Variants in DEPDC7 observed in about 807,000 individuals in gnomAD.
The protein encoded by DEPDC7 is DEP domain containing 7.
In DEPDC7, 41 loss-of-function variants were observed where a neutral mutation model predicts 56.6. The ratio of observed to expected loss-of-function variants is 0.72; its 90% CI spans 0.56 to 0.94. DEPDC7 has a LOEUF of 0.94. Ranked by LOEUF, DEPDC7 falls within the 40% of genes least tolerant of loss-of-function variation. The pLI is 0.00. For missense variants in DEPDC7, 522 were observed against 596.3 expected, an observed-to-expected ratio of 0.88 and a Z score of 1.30; for synonymous variants, 185 against 208.8, an observed-to-expected ratio of 0.89 and a Z score of 0.98.
At position 33,025,670 on chromosome 11, in the gene DEPDC7, G is replaced by GC; in HGVS notation, c.86dup (p.Gln30SerfsTer34). The GC allele has an allele frequency of 6.2e-7, 1 of 1,606,688 alleles. No individual in the cohort carries two copies. On this transcript the variant is annotated frameshift_variant, in exon 2 of 9. Transcript: ENST00000241051. LOFTEE classifies it high-confidence loss of function. Reference sequence around the variant, plus strand: ...TTTTCTCCTTCTAGGTTTCAGTGTAGCTCAGAAGCCATTTGGAGCCACGTA... The same window carrying GC: ...TTTTCTCCTTCTAGGTTTCAGTGTAGCCTCAGAAGCCATTTGGAGCCACGTA...
chr11:33,016,480 G>T, intron 1 of DEPDC7: 1 of 1,608,360 alleles, frequency 6.2e-7, no homozygotes, highest in Non-Finnish European at 8.5e-7. Context: ...TGCCCACTTT[G>T]TTCTCCAGAC....
chr11:33,016,514 G>A, intron 1 of DEPDC7: 1 of 1,613,678 alleles, frequency 6.2e-7, no homozygotes, highest in Non-Finnish European at 8.5e-7. Flanking sequence ...GAGTCAGCTT[G>A]TCTCCCCAGA....
rs896678459 is a variant in DEPDC7, at chr11:33,033,368, A to C, written c.1449A>C (p.Ser483=). 3.1e-6 allele frequency: 5 copies of C among 1,611,926 alleles called. No homozygotes were observed. In the Admixed American group the frequency reaches 6.7e-5, roughly 22 times the overall value. The change falls in exon 9 of 9, where the codon TCA becomes TCC. Residue 483 remains serine (S), a synonymous_variant. Coordinates refer to ENST00000241051, the MANE Select transcript of DEPDC7 (RefSeq NM_001077242.2). ...LNLLKTLDED[S]KLSAKEKKKL... ...TACTAAAAACTCTTGATGAGGATTC[A>C]AAACTTTCTGCCAAAGAGAAGAAAA...
rs1590208476 is a variant in DEPDC7 at position 33,026,026 on chromosome 11, G to C, written c.441G>C (p.Glu147Asp). The change falls in exon 2 of 9, where the codon GAG becomes GAC. Residue 147 changes from glutamate (E) to aspartate (D), a missense_variant. Transcript: ENST00000241051. ...IPNQDSQLGK[E>D]NKLYSPARYA... ...ACCAAGACAGTCAGTTAGGCAAAGAGAACAAACTATATTCACCTGCCAGGT... is the reference window on the plus strand; with the variant it reads ...ACCAAGACAGTCAGTTAGGCAAAGACAACAAACTATATTCACCTGCCAGGT... 2 of 1,613,842 alleles carry C rather than the reference G, an allele frequency of 1.2e-6. No homozygotes were observed. Among genetic ancestry groups the C allele is most frequent in the Non-Finnish European group, 1.7e-6 (2 of 1,180,014 alleles).
chr11:33,025,172 C>T (rs191141748), intron 1 of DEPDC7, among the ~76,000 whole-genome samples: 29 of 152,218 alleles, frequency 1.9e-4, no homozygotes, highest in Non-Finnish European at 2.2e-4. Context: ...TGCGGACCTC[C>T]CTCCTATCCT....
chr11:33,016,450 CA>C lies in DEPDC7; in HGVS notation c.73+423del, dbSNP rs1468381571. 3.1e-6 allele frequency: 5 copies of C among 1,589,386 alleles called. No homozygotes were observed. In the African/African-American group the frequency reaches 6.8e-5, roughly 22 times the overall value. On this transcript the variant is annotated intron_variant, in intron 1 of 8. Coordinates refer to ENST00000241051, the MANE Select transcript of DEPDC7 (RefSeq NM_001077242.2). ...ACAAACCTTGACGACACAGTATGGCCAGGGGCCGAGCTCCTCCCTTGCCCAC... is the reference window on the plus strand; with the variant it reads ...ACAAACCTTGACGACACAGTATGGCCGGGGCCGAGCTCCTCCCTTGCCCAC...
chr11:33,020,825 A>T (rs1853516159), intron 1 of DEPDC7, among the ~76,000 whole-genome samples: 1 of 152,354 alleles, frequency 6.6e-6, no homozygotes, highest in South Asian at 2.1e-4. Flanking sequence ...CCTGAAACTA[A>T]CCTAAAATAT....
At chr11:33,018,044 G>A (rs984339036) in intron 1 of DEPDC7, among the ~76,000 whole-genome samples, 7 of 152,124 alleles carry the variant, frequency 4.6e-5, no homozygotes, top group South Asian at 4.1e-4. Context: ...GATAATTCTC[G>A]TAGATATTGT....
Position 33,027,787 on chromosome 11 carries a change from A to ATATCTCTG in DEPDC7, c.567_574dup (p.Ala192ValfsTer27). 6.3e-7 allele frequency: 1 copy of ATATCTCTG among 1,577,766 alleles called. No homozygotes were observed. The highest frequency in any genetic ancestry group is 8.6e-7 in the Non-Finnish European group (1 of 1,166,006). On this transcript the variant is annotated frameshift_variant, in exon 3 of 9. Transcript: ENST00000241051. LOFTEE classifies it high-confidence loss of function. ...AAGCCTGCCAACTCCCCTCATGTAA[A>ATATCTCTG]TATCTCTGCAACCTTGTCTCCACAA...
intron 2 of DEPDC7, 136 bp downstream of exon 2, chr11:33,026,185 A>T: frequency 1.1e-6 from 1 of 944,496 alleles, no homozygotes; most frequent in South Asian, 1.5e-5. Flanking sequence ...TAAATTTGAT[A>T]AAGTGCGATG....
chr11:33,017,987 T>C (rs1853481617), intron 1 of DEPDC7, among the ~76,000 whole-genome samples: 1 of 152,236 alleles, frequency 6.6e-6, no homozygotes, highest in African/African-American at 2.4e-5. Flanking sequence ...ATATGCTGTC[T>C]CATTAATGTA....
At chr11:33,021,761 C>A (rs1030334207) in intron 1 of DEPDC7, among the ~76,000 whole-genome samples, 15 of 152,230 alleles carry the variant, frequency 9.9e-5, no homozygotes, top group Admixed American at 7.8e-4. Context: ...TTGTATCATG[C>A]CTGGAGGACT....
chr11:33,017,059 T>A (rs530222789), intron 1 of DEPDC7, among the ~76,000 whole-genome samples: 1 of 152,350 alleles, frequency 6.6e-6, no homozygotes, highest in Non-Finnish European at 1.5e-5. Context: ...TCACTAATGC[T>A]CATTTTAATC....
chr11:33,028,930 T>G, intron 4 of DEPDC7, 138 bp downstream of exon 4: 1 of 543,488 alleles, frequency 1.8e-6, no homozygotes. Flanking sequence ...TTTGAGAATG[T>G]GAAGAACAAA....
chr11:33,028,083 T>TA (rs1344269186), intron 3 of DEPDC7: 1 of 284,422 alleles, frequency 3.5e-6, no homozygotes. Flanking sequence ...GTATTGAAAA[T>TA]ATGCTCTCCG....
intron 1 of DEPDC7, 194 bp downstream of exon 1, chr11:33,016,222 T>A (rs1853458671): frequency 1.5e-6 from 2 of 1,307,428 alleles, no homozygotes; most frequent in African/African-American, 1.5e-5. Context: ...CCTCTCTGGC[T>A]GGTGGGCTGC....
chr11:33,021,155 G>T (rs1281972681), intron 1 of DEPDC7, among the ~76,000 whole-genome samples: 1 of 151,722 alleles, frequency 6.6e-6, no homozygotes, highest in Non-Finnish European at 1.5e-5. Flanking sequence ...GGAGGCTGAG[G>T]CAGGAAAATC....
chr11:33,022,011 C>G (rs1334061337), intron 1 of DEPDC7, among the ~76,000 whole-genome samples: 2 of 152,148 alleles, frequency 1.3e-5, no homozygotes, highest in South Asian at 4.1e-4. Context: ...AGTGACTCAG[C>G]CTTGTCATTT....
At chr11:33,030,171 G>A (rs939597174) in intron 4 of DEPDC7, among the ~76,000 whole-genome samples, 1 of 152,136 alleles carries the variant, frequency 6.6e-6, no homozygotes, top group Non-Finnish European at 1.5e-5. Flanking sequence ...TATTGGCCAG[G>A]GTGGTCTTGA....
Sources: gnomAD v4.1 joint callset for allele counts (sites outside exome capture counted in the v4.1 genomes callset) on GRCh38, gnomAD v4.1.1 for gene constraint, MANE v1.5 for transcripts, NCBI Gene and HGNC (gene_info 2026-07-23, HGNC 2026-07-21) for gene names.